The following LAMB3 variants were observed in gnomAD, a reference collection of about 807,000 sequenced individuals.
LAMB3 encodes laminin subunit beta 3, also known as laminin subunit beta-3.
A neutral mutation model predicts 140.3 loss-of-function variants in LAMB3; 104 were observed. The ratio of observed to expected loss-of-function variants is 0.74; its 90% CI spans 0.63 to 0.87. LAMB3 has a LOEUF of 0.87. Ranked by LOEUF, LAMB3 falls within the 40% of genes least tolerant of loss-of-function variation. The pLI, the probability that LAMB3 is intolerant of heterozygous loss-of-function variation, is 0.00. For synonymous variants in LAMB3, 592 were observed against 602.9 expected (o/e 0.98, Z 0.26); for missense variants, 1,531 against 1,575.2 (o/e 0.97, Z 0.47).
chr1:209,632,967 T>A (rs146814529), intron 7 of LAMB3, 103 bp downstream of exon 7: 1 of 1,109,486 alleles, frequency 9.0e-7, no homozygotes, highest in East Asian at 2.3e-5. Flanking sequence ...CCCAACCACG[T>A]TGACAAAAAC....
chr1:209,618,682 C>T, intron 18 of LAMB3, 23 bp from the exon 19 acceptor site: 1 of 1,609,840 alleles, frequency 6.2e-7, no homozygotes, highest in Non-Finnish European at 8.5e-7. Flanking sequence ...ACGCATTTGA[C>T]TGTAGGAGCC....
At chr1:209,646,268 C>G (rs903789800) in intron 3 of LAMB3, among the ~76,000 whole-genome samples, 2 of 152,194 alleles carry the variant, frequency 1.3e-5, no homozygotes, top group East Asian at 3.9e-4. Context: ...CATGGTGCAG[C>G]CCCTGCCTTC....
In LAMB3 at chr1:209,618,026, C is replaced by T; in HGVS notation, c.2932G>A (p.Gly978Ser). Reference sequence around the variant, plus strand: ...TTCCCAACCACATCTTCCACCTGGCCCTCCACTGCATGGGCTCGGCTCCTG... The same window carrying T: ...TTCCCAACCACATCTTCCACCTGGCTCTCCACTGCATGGGCTCGGCTCCTG... The part of the protein sequence containing the change: ...EARSRAHAVE[G>S]QVEDVVGNLR... Residue 978 changes from glycine to serine, a missense_variant, in exon 20 of 23, where the codon GGC becomes AGC. Transcript: ENST00000356082. 1 of 1,614,176 alleles carries T rather than the reference C, an allele frequency of 6.2e-7. No individual in the cohort carries two copies. The highest frequency in any genetic ancestry group is 8.5e-7 in the Non-Finnish European group (1 of 1,180,046).
chr1:209,621,875 T>C (rs2102411469), intron 18 of LAMB3, among the ~76,000 whole-genome samples: 1 of 152,324 alleles, frequency 6.6e-6, no homozygotes, highest in African/African-American at 2.4e-5. Context: ...GACACAGTAG[T>C]CAACAAGACA....
At position 209,617,441 on chromosome 1, in the gene LAMB3, C is replaced by A; in HGVS notation, c.3197G>T (p.Gly1066Val). 7 of 1,613,090 alleles carry A rather than the reference C, an allele frequency of 4.3e-6. No individual in the cohort carries two copies. The South Asian group carries it at 7.7e-5, about 18-fold the overall frequency. Residue 1066 changes from glycine to valine, a missense_variant, in exon 21 of 23, where the codon GGT becomes GTT. By Grantham distance (109) the Gly-to-Val change is moderately radical. Coordinates refer to ENST00000356082, the MANE Select transcript of LAMB3 (RefSeq NM_000228.3). Reference protein sequence around the residue: ...EAVQAQQLAEGASEQALSAQE... With the variant: ...EAVQAQQLAEVASEQALSAQE... Reference sequence around the variant, plus strand: ...GGCACTCAATGCCTGCTCGCTGGCACCTTCCGCAAGCTGCTGGGCCTGGAC... The same window carrying A: ...GGCACTCAATGCCTGCTCGCTGGCAACTTCCGCAAGCTGCTGGGCCTGGAC...
chr1:209,637,173 G>A (rs1666922383), intron 5 of LAMB3, among the ~76,000 whole-genome samples: 1 of 152,104 alleles, frequency 6.6e-6, no homozygotes, highest in African/African-American at 2.4e-5. Flanking sequence ...CCTTTAGATG[G>A]GGCAAGGCTC....
intron 22 of LAMB3, 87 bp downstream of exon 22, chr1:209,616,384 A>T: frequency 6.7e-7 from 1 of 1,492,806 alleles, no homozygotes; most frequent in Non-Finnish European, 9.3e-7. Context: ...GCTAGCTCCA[A>T]TAAGAACGGG....
Position 209,617,937 on chromosome 1 carries a change from G to A in LAMB3, c.3021C>T (p.Ser1007=). 2 of 1,614,198 alleles carry A rather than the reference G, an allele frequency of 1.2e-6. No homozygotes were observed. The highest frequency in any genetic ancestry group is 1.3e-5 in the African/African-American group (1 of 75,040). The stretch of plus-strand genomic sequence containing the variant: ...CAACCCTGTCCTGGATAAGCCGAAG[G>A]GAGCGGCTGGTGCCTTGCATGGTGT... ...AQDTMQGTSR[S]LRLIQDRVAE... The change falls in exon 20 of 23, where the codon TCC becomes TCT. Residue 1007 remains serine (S), a synonymous_variant. Coordinates refer to ENST00000356082, the MANE Select transcript of LAMB3 (RefSeq NM_000228.3).
chr1:209,623,163 C>G lies in LAMB3; in HGVS notation c.2375G>C (p.Arg792Thr). ...PTFNKLCGNS[R>T]QMACTPISCP... ...TGATATTGGGGTGCAAGCCATCTGC[C>G]TGGAGTTGCCACAGAGCTGTGGACA... The change falls in exon 17 of 23, where the codon AGG (arginine) becomes ACG (threonine). Residue 792 changes from arginine to threonine, a missense_variant. By Grantham distance (71) the Arg-to-Thr change is moderately conservative. Coordinates refer to ENST00000356082, the MANE Select transcript of LAMB3 (RefSeq NM_000228.3). This position sits in a 1 kb window ranked among gnomAD's most constrained non-coding sequence, Gnocchi z 4.2. 1 of 1,614,234 alleles carries G rather than the reference C, an allele frequency of 6.2e-7. No individual in the cohort carries two copies. Among genetic ancestry groups the G allele is most frequent in the African/African-American group, 1.3e-5 (1 of 75,064 alleles).
At chr1:209,645,722 G>GGAAAA (rs113874240) in intron 3 of LAMB3, among the ~76,000 whole-genome samples, 18 of 137,422 alleles carry the variant, frequency 1.3e-4, no homozygotes, top group African/African-American at 3.2e-4. Context: ...TGTCCCAGGG[G>GGAAAA]AAAAAAAAAA....
chr1:209,620,315 G>A (rs913229896), intron 18 of LAMB3, among the ~76,000 whole-genome samples: 2 of 152,194 alleles, frequency 1.3e-5, no homozygotes, highest in African/African-American at 4.8e-5. Flanking sequence ...TTGAGTGAGC[G>A]GAGTAAACAC....
In LAMB3 at chr1:209,624,281, G is replaced by A. The variant is rs548757344; in HGVS notation, c.1977-281C>T. 1.2e-4 allele frequency among the ~76,000 whole-genome samples: 19 copies of A among 152,238 alleles called. 1 individual carries two copies. The highest frequency in any genetic ancestry group is 4.3e-4 in the African/African-American group (18 of 41,528). On this transcript the variant is annotated intron_variant, in intron 14 of 22. Coordinates refer to ENST00000356082, the MANE Select transcript of LAMB3 (RefSeq NM_000228.3). ...TCTCCTCCCCCTCTTCCAGATCCTG[G>A]CTTCCATGAGGAGCAATGCCCTGAT...
intron 22 of LAMB3, 72 bp from the exon 23 acceptor site, chr1:209,615,479 C>G (rs1480868846): frequency 6.7e-7 from 1 of 1,503,754 alleles, no homozygotes; most frequent in Non-Finnish European, 8.9e-7. Flanking sequence ...ACCCTTCCTT[C>G]CCCTCCTGCT....
intron 3 of LAMB3, among the ~76,000 whole-genome samples, chr1:209,645,744 T>C (rs1318903163): frequency 8.1e-6 from 1 of 124,220 alleles, no homozygotes; most frequent in Non-Finnish European, 1.6e-5. Flanking sequence ...AAAAAGCAGA[T>C]ATTTTGGTCA....
At chr1:209,650,143 G>A (rs1285341034) in intron 2 of LAMB3, 25 bp from the exon 3 acceptor site, 21 of 1,603,178 alleles carry the variant, frequency 1.3e-5, no homozygotes, top group Non-Finnish European at 1.7e-5. Context: ...ATGTGTGATG[G>A]AGCAGTCCAG....
chr1:209,624,307 GC>G (rs1477236637), intron 14 of LAMB3, among the ~76,000 whole-genome samples: 1 of 152,206 alleles, frequency 6.6e-6, no homozygotes, highest in East Asian at 1.9e-4. Flanking sequence ...ATGCCCTGAT[GC>G]CCTCCTCCTT....
Position 209,615,390 on chromosome 1 carries a change from G to A in LAMB3, c.3400C>T (p.Leu1134=). The part of the protein sequence containing the change: ...DRMKDMELEL[L]RGSQAIMLRS... Reference sequence around the variant, plus strand: ...AGCATGATGGCCTGGCTGCCCCGCAGCAGCTCCAACTCCATGTCTGAGGCA... The same window carrying A: ...AGCATGATGGCCTGGCTGCCCCGCAACAGCTCCAACTCCATGTCTGAGGCA... Residue 1134 remains leucine (L), a synonymous_variant, in exon 23 of 23, where the codon CTG becomes TTG. Coordinates refer to ENST00000356082, the MANE Select transcript of LAMB3 (RefSeq NM_000228.3). 1 of 1,606,478 alleles carries A rather than the reference G, an allele frequency of 6.2e-7. No individual in the cohort carries two copies. Among genetic ancestry groups the A allele is most frequent in the Non-Finnish European group, 8.5e-7 (1 of 1,175,128 alleles).
rs563186752 is a variant in LAMB3, at chr1:209,625,993, G to A, written c.1631C>T (p.Pro544Leu). 1.4e-5 allele frequency: 22 copies of A among 1,613,216 alleles called. No individual in the cohort carries two copies. The Middle Eastern group carries it at 8.3e-4, about 61-fold the overall frequency. Reference protein sequence around the residue: ...CDCDFRGTEGPGCDKASGRCL... With the variant: ...CDCDFRGTEGLGCDKASGRCL... ...GCGGCCTGATGCCTTGTCGCAGCCCGGGCCCTCTGTTCCCCGGAAATCACA... is the reference window on the plus strand; with the variant it reads ...GCGGCCTGATGCCTTGTCGCAGCCCAGGCCCTCTGTTCCCCGGAAATCACA... The change falls in exon 14 of 23, where the codon CCG (proline) becomes CTG (leucine). Residue 544 changes from proline (P) to leucine (L), a missense_variant. Coordinates refer to ENST00000356082, the MANE Select transcript of LAMB3 (RefSeq NM_000228.3).
chr1:209,629,687 T>C (rs1166984621), intron 10 of LAMB3, 50 bp downstream of exon 10: 4 of 1,545,972 alleles, frequency 2.6e-6, no homozygotes, highest in Admixed American at 3.3e-5. Flanking sequence ...CCAGAGGAGA[T>C]GGGGAGTAAC....
Sources: allele counts gnomAD v4.1 joint callset (sites outside exome capture counted in the v4.1 genomes callset), GRCh38; gene constraint gnomAD v4.1.1; non-coding constraint Gnocchi (gnomAD v3.1); transcripts MANE v1.5; gene names NCBI Gene and HGNC (gene_info 2026-07-23, HGNC 2026-07-21).